Variants in ARFGEF2 observed in about 807,000 individuals in gnomAD.
ARFGEF2 encodes the protein ARF guanine nucleotide exchange factor 2.
In ARFGEF2, 74 loss-of-function variants were observed where a neutral mutation model predicts 219.9. That is an observed-to-expected ratio of 0.34 (90% CI 0.28 to 0.41). ARFGEF2 has a LOEUF of 0.41. Among genes scored for constraint, ARFGEF2 ranks in the 10% least tolerant of loss-of-function variants. The probability of loss-of-function intolerance (pLI) is 1.00; values close to 1 mark genes in which losing one functional copy is unlikely to be tolerated. For missense variants in ARFGEF2, 1,743 were observed against 2,218.3 expected, an observed-to-expected ratio of 0.79 and a Z score of 4.30; for synonymous variants, 733 against 799.2, an observed-to-expected ratio of 0.92 and a Z score of 1.40.
chr20:49,004,453 A>G (rs1421921839), intron 25 of ARFGEF2, among the ~76,000 whole-genome samples: 1 of 152,120 alleles, frequency 6.6e-6, no homozygotes, highest in Non-Finnish European at 1.5e-5. Context: ...TATATTTTAC[A>G]ATTAGAAAAA....
In ARFGEF2 at chr20:48,972,320, A is replaced by G; in HGVS notation, c.1426-6A>G. The G allele has an allele frequency of 6.2e-7, 1 of 1,600,274 alleles. No homozygotes were observed. Among genetic ancestry groups the G allele is most frequent in the Non-Finnish European group, 8.6e-7 (1 of 1,167,420 alleles). On this transcript the variant is annotated splice_polypyrimidine_tract_variant and splice_region_variant and intron_variant, in intron 10 of 38. Transcript: ENST00000371917. Reference sequence around the variant, plus strand: ...TAGTGTCCTCCTTTGTCTTTATGTCATATAGGTCTTTTTCAAAGAGATTTT... The same window carrying G: ...TAGTGTCCTCCTTTGTCTTTATGTCGTATAGGTCTTTTTCAAAGAGATTTT...
intron 5 of ARFGEF2, among the ~76,000 whole-genome samples, chr20:48,953,110 C>T (rs1271477970): frequency 6.6e-6 from 1 of 150,376 alleles, no homozygotes; most frequent in African/African-American, 2.4e-5. Flanking sequence ...GAATTTATTT[C>T]CTTTTAAATA....
chr20:49,007,924 G>C (rs1248644851), intron 26 of ARFGEF2, among the ~76,000 whole-genome samples: 1 of 148,186 alleles, frequency 6.7e-6, no homozygotes, highest in Non-Finnish European at 1.5e-5. Context: ...CCTAACTCCA[G>C]GCCTTCCCTG....
At chr20:48,974,734 AAGT>A in intron 12 of ARFGEF2, 29 bp from the exon 13 acceptor site, 1 of 1,566,964 alleles carries the variant, frequency 6.4e-7, no homozygotes, top group Non-Finnish European at 8.8e-7. Flanking sequence ...TTTTTCTGTT[AAGT>A]CTCTTTCCTG....
At chr20:48,939,189 G>A (rs1245968740) in intron 1 of ARFGEF2, among the ~76,000 whole-genome samples, 2 of 151,814 alleles carry the variant, frequency 1.3e-5, no homozygotes, top group Admixed American at 1.3e-4. Flanking sequence ...TGGTCAGGCT[G>A]GTCTCAAACT....
intron 1 of ARFGEF2, among the ~76,000 whole-genome samples, chr20:48,928,688 G>T (rs1380667990): frequency 6.7e-6 from 1 of 149,826 alleles, no homozygotes; most frequent in Non-Finnish European, 1.5e-5. Flanking sequence ...TAGAGACGGG[G>T]TTTCACCGTG....
intron 6 of ARFGEF2, among the ~76,000 whole-genome samples, chr20:48,960,817 T>C (rs1312161408): frequency 2.7e-5 from 4 of 149,544 alleles, no homozygotes; most frequent in South Asian, 4.3e-4. Context: ...CGCGGTGGCT[T>C]ATGCCTGTAA....
intron 14 of ARFGEF2, among the ~76,000 whole-genome samples, chr20:48,978,612 T>G (rs1333952674): frequency 6.6e-6 from 1 of 152,228 alleles, no homozygotes; most frequent in Non-Finnish European, 1.5e-5. Flanking sequence ...GCATGGAATG[T>G]TCTTCCATTT....
At chr20:49,018,821 C>T (rs1180605964) in intron 33 of ARFGEF2, 63 bp from the exon 34 acceptor site, 1 of 1,396,896 alleles carries the variant, frequency 7.2e-7, no homozygotes, top group Non-Finnish European at 1.0e-6. Context: ...AAAACAGGCA[C>T]ATCTCTGCCC....
intron 3 of ARFGEF2, among the ~76,000 whole-genome samples, chr20:48,948,375 G>A (rs1433501132): frequency 4.6e-5 from 7 of 151,872 alleles, no homozygotes; most frequent in Admixed American, 6.6e-5. Flanking sequence ...TCCATCTCTC[G>A]CTCCCCTGTA....
At chr20:49,022,869 C>G (rs1207359527) in intron 34 of ARFGEF2, among the ~76,000 whole-genome samples, 182 bp from the exon 35 acceptor site, 1 of 151,892 alleles carries the variant, frequency 6.6e-6, no homozygotes, top group Non-Finnish European at 1.5e-5. Flanking sequence ...AATCCCAGCA[C>G]TTTGGGAGGC....
chr20:49,010,879 G>T (rs1020687865), intron 27 of ARFGEF2, among the ~76,000 whole-genome samples: 8 of 152,312 alleles, frequency 5.3e-5, no homozygotes, highest in Admixed American at 5.2e-4. Flanking sequence ...CACCCAAGGC[G>T]CACGTTCCCA....
In ARFGEF2 at chr20:48,921,783, G is replaced by A. The variant is rs1178089302; in HGVS notation, c.-107G>A. On this transcript the variant is annotated 5_prime_UTR_variant, in exon 1 of 39. Transcript: ENST00000371917. ...GTGTCGCTTCCTGACGGGGCGGCGC[G>A]GACGGACGCGGCCGGTGCCGGCCGG... 1.9e-5 allele frequency: 22 copies of A among 1,137,050 alleles called. No homozygotes were observed. Among genetic ancestry groups the A allele is most frequent in the Non-Finnish European group, 2.4e-5 (22 of 916,290 alleles). The allele number at this position is 1,137,050 out of a possible 1,614,324, so 70.4% of individuals were successfully genotyped here. A position where few individuals can be genotyped will look rare whatever the true frequency, so the allele number is the denominator to read the frequency against.
chr20:49,021,569 C>T (rs1444054928), intron 34 of ARFGEF2, among the ~76,000 whole-genome samples: 3 of 151,460 alleles, frequency 2.0e-5, no homozygotes, highest in Admixed American at 6.6e-5. Context: ...TTGTTGGGGC[C>T]GGGCGCGGTG....
At chr20:48,938,608 A>T (rs528960456) in intron 1 of ARFGEF2, among the ~76,000 whole-genome samples, 1 of 152,208 alleles carries the variant, frequency 6.6e-6, no homozygotes, top group Non-Finnish European at 1.5e-5. Flanking sequence ...TGAAATGTAC[A>T]GTTGGTTAAT....
chr20:49,010,469 G>C, intron 27 of ARFGEF2, 65 bp downstream of exon 27: 1 of 1,589,890 alleles, frequency 6.3e-7, no homozygotes, highest in Non-Finnish European at 8.6e-7. Context: ...GTCACTTGCT[G>C]TCTATTTTAC....
At chr20:49,011,518 C>T (rs2091498212) in intron 27 of ARFGEF2, among the ~76,000 whole-genome samples, 1 of 152,168 alleles carries the variant, frequency 6.6e-6, no homozygotes, top group Non-Finnish European at 1.5e-5. Context: ...GGCAGTCGAG[C>T]CCAGAGTTAG....
rs535125505 is a variant in ARFGEF2 at position 48,948,854 on chromosome 20, T to G, written c.277-2469T>G. Among the ~76,000 whole-genome samples, 7 of 152,274 alleles carry G rather than the reference T, an allele frequency of 4.6e-5. No individual in the cohort carries two copies. In the East Asian group the frequency reaches 1.2e-3, roughly 25 times the overall value. On this transcript the variant is annotated intron_variant, in intron 3 of 38. Coordinates refer to ENST00000371917, the MANE Select transcript of ARFGEF2 (RefSeq NM_006420.3). ...CTCATTGCGTTAGCAAGGAACAAGG[T>G]GGGGACATCTACCTGGGGGATAGTG... is the stretch of plus-strand genomic sequence containing the variant.
chr20:48,967,578 G>A (rs139072974), intron 8 of ARFGEF2, among the ~76,000 whole-genome samples: 181 of 152,298 alleles, frequency 1.2e-3, no homozygotes, highest in African/African-American at 4.2e-3. Context: ...GGGGAACATA[G>A]CGAGACCCCA....
Sources: allele counts gnomAD v4.1 joint callset (sites outside exome capture counted in the v4.1 genomes callset), GRCh38; gene constraint gnomAD v4.1.1; transcripts MANE v1.5; gene names NCBI Gene and HGNC (gene_info 2026-07-23, HGNC 2026-07-21).